HID1: variants seen among roughly 807,000 people sequenced by gnomAD.
HID1 encodes the protein HID1 domain containing, also known as protein HID1.
Under a neutral mutation model 89.7 loss-of-function variants are expected in HID1, and 42 were observed. The observed-to-expected ratio is 0.47, with a 90% CI of 0.37 to 0.61. The LOEUF is 0.61. Ranked by LOEUF, HID1 falls within the 20% of genes least tolerant of loss-of-function variation. The pLI, the probability that HID1 is intolerant of heterozygous loss-of-function variation, is 0.00. For synonymous variants in HID1, 442 were observed against 433.8 expected, an observed-to-expected ratio of 1.02 and a Z score of -0.24; for missense variants, 854 against 1,039.3, an observed-to-expected ratio of 0.82 and a Z score of 2.45.
chr17:74,968,458 T>A (rs924439154), intron 1 of HID1, among the ~76,000 whole-genome samples: 1 of 150,286 alleles, frequency 6.7e-6, no homozygotes, highest in Non-Finnish European at 1.5e-5. Context: ...CCCAGCCCAC[T>A]CCCAGAGCAA....
rs77965257 is a variant in HID1 at position 74,968,969 on chromosome 17, A to T, written c.66+3622T>A. Among the ~76,000 whole-genome samples the T allele has an allele frequency of 0.01, 1,541 of 152,322 alleles. 47 individuals are homozygous for T. The East Asian group carries it at 0.13, about 13-fold the overall frequency. On this transcript the variant is annotated intron_variant, in intron 1 of 18. Coordinates refer to ENST00000425042, the MANE Select transcript of HID1 (RefSeq NM_030630.3). The stretch of plus-strand genomic sequence containing the variant: ...CTCAGCCTTGAACTTTAGGAACAGG[A>T]CTTTGCCTCCCTGTTTCCTCAGCTT...
At position 74,954,061 on chromosome 17, in the gene HID1, G is replaced by T. The variant is rs1055488972; in HGVS notation, c.1864+77C>A. On this transcript the variant is annotated intron_variant, in intron 14 of 18. Transcript: ENST00000425042. ...AAGCCATGCTCTTTGCCAGAGATGG[G>T]GGTGACACCCCGAGACCATGTCCCT... The T allele has an allele frequency of 3.0e-6, 4 of 1,352,834 alleles. No homozygotes were observed. In the East Asian group the frequency reaches 7.4e-5, roughly 25 times the overall value. The allele number at this position is 1,352,834 out of a possible 1,614,324, so 83.8% of individuals were successfully genotyped here.
rs971017455 is a variant in HID1 at position 74,962,189 on chromosome 17, C to T, written c.611+45G>A. On this transcript the variant is annotated intron_variant, in intron 5 of 18. Transcript: ENST00000425042. The surrounding 1 kb of genome is among the most constrained non-coding windows in gnomAD (Gnocchi z 4.3). ...TTCTGAGCTGTGCGGGGGCCCGGCC[C>T]GGGGTCCAGCTGCATTGAGGGCTCC... 14 of 1,505,610 alleles carry T rather than the reference C, an allele frequency of 9.3e-6. No individual in the cohort carries two copies. The highest frequency in any genetic ancestry group is 6.9e-5 in the African/African-American group (5 of 72,576). 93.3% of individuals were successfully genotyped at this position (1,505,610 alleles called of 1,614,324 possible).
chr17:74,953,417 C>G, intron 15 of HID1, 128 bp downstream of exon 15: 1 of 715,770 alleles, frequency 1.4e-6, no homozygotes, highest in Non-Finnish European at 2.4e-6. Flanking sequence ...CCCTAATGCC[C>G]TGGGCACTGG....
intron 18 of HID1, 132 bp downstream of exon 18, chr17:74,951,773 C>T: frequency 7.4e-7 from 1 of 1,359,572 alleles, no homozygotes; most frequent in South Asian, 1.4e-5. Flanking sequence ...CACCGTCAAC[C>T]AGGCAAGGCC....
At chr17:74,963,546 G>C (rs2039516724) in intron 3 of HID1, 194 bp downstream of exon 3, 6 of 610,002 alleles carry the variant, frequency 9.8e-6, no homozygotes, top group African/African-American at 1.9e-5. Context: ...TGTGGGCACA[G>C]AAACCCCCAT....
At chr17:74,955,747 C>T (rs750165586) in intron 13 of HID1, 45 bp downstream of exon 13, 6 of 1,590,406 alleles carry the variant, frequency 3.8e-6, no homozygotes, top group Non-Finnish European at 5.2e-6. Flanking sequence ...AGGAAGTAGG[C>T]CCGCTGGCCA....
chr17:74,952,164 T>C, intron 17 of HID1, 101 bp from the exon 18 acceptor site: 3 of 1,522,536 alleles, frequency 2.0e-6, no homozygotes, highest in Non-Finnish European at 2.7e-6. Flanking sequence ...CACGCCTACC[T>C]AAGCCTAGGC....
At chr17:74,953,200 AGCCCAGCAGCCTTTGCCCCAGGCCCTAG>A (rs1169768720) in intron 15 of HID1, 114 bp from the exon 16 acceptor site, 1 of 926,784 alleles carries the variant, frequency 1.1e-6, no homozygotes, top group Non-Finnish European at 1.6e-6. Flanking sequence ...GGGAAGGCCC[AGCCCAGCAGCCTTTGCCCCAGGCCCTAG>A]GCCCAGCCCA....
In HID1 at chr17:74,972,559, T is replaced by C. The variant is rs533898110; in HGVS notation, c.66+32A>G. On this transcript the variant is annotated intron_variant, in intron 1 of 18. Coordinates refer to ENST00000425042, the MANE Select transcript of HID1 (RefSeq NM_030630.3). This position sits in a 1 kb window ranked among gnomAD's most constrained non-coding sequence, Gnocchi z 6.4. ...CCTGCCCAGCCCCCAGCCCGGCAGG[T>C]GGATGGGGACGCCGGGGCCCCCGTG... The C allele has an allele frequency of 3.6e-5, 55 of 1,529,286 alleles. No individual in the cohort carries two copies. The African/African-American group carries it at 6.7e-4, about 19-fold the overall frequency. 94.7% of individuals were successfully genotyped at this position (1,529,286 alleles called of 1,614,324 possible).
chr17:74,964,675 A>G, intron 1 of HID1, 43 bp from the exon 2 acceptor site: 1 of 1,586,508 alleles, frequency 6.3e-7, no homozygotes, highest in African/African-American at 1.3e-5. Flanking sequence ...ACTCCTGGCC[A>G]GAGGGCCTAC....
At chr17:74,969,827 C>T (rs777020370) in intron 1 of HID1, among the ~76,000 whole-genome samples, 13 of 151,314 alleles carry the variant, frequency 8.6e-5, no homozygotes, top group Non-Finnish European at 1.6e-4. Flanking sequence ...TCTCAAACTC[C>T]TGGGCTCAAG....
chr17:74,961,336 C>T (rs1460516369), intron 6 of HID1, among the ~76,000 whole-genome samples: 1 of 152,040 alleles, frequency 6.6e-6, no homozygotes, highest in African/African-American at 2.4e-5. Flanking sequence ...GGCGCAATCT[C>T]GGCTCACTGC....
At chr17:74,969,476 G>T (rs796919149) in intron 1 of HID1, among the ~76,000 whole-genome samples, 1 of 150,004 alleles carries the variant, frequency 6.7e-6, no homozygotes, top group Non-Finnish European at 1.5e-5. Flanking sequence ...ATGAGCCACC[G>T]CACCTAGCCA....
intron 13 of HID1, among the ~76,000 whole-genome samples, chr17:74,955,362 A>T (rs1432764332): frequency 1.3e-5 from 2 of 152,022 alleles, no homozygotes; most frequent in Non-Finnish European, 2.9e-5. Flanking sequence ...TTAGCTAGGT[A>T]TGGTGGGGGG....
At position 74,951,151 on chromosome 17, in the gene HID1, C is replaced by G. The variant is rs906357966; in HGVS notation, c.*419G>C. On this transcript the variant is annotated 3_prime_UTR_variant, in exon 19 of 19. Transcript: ENST00000425042. ...TTGGGTTAGGAGGCTGGAAGCACCC[C>G]CTTACCCTGTCCAGGCACCTCAAGG... 5.5e-6 allele frequency: 1 copy of G among 182,708 alleles called. No homozygotes were observed. The highest frequency in any genetic ancestry group is 1.1e-5 in the Non-Finnish European group (1 of 88,346). 11.3% of individuals were successfully genotyped at this position (182,708 alleles called of 1,614,324 possible). A position where few individuals can be genotyped will look rare whatever the true frequency, so the allele number is the denominator to read the frequency against.
chr17:74,956,888 C>T (rs988149567), intron 12 of HID1, among the ~76,000 whole-genome samples: 1 of 152,216 alleles, frequency 6.6e-6, no homozygotes, highest in African/African-American at 2.4e-5. Context: ...ACAGGGAGGA[C>T]AAAGGCAGAA....
chr17:74,963,664 C>G (rs1225112485), intron 3 of HID1, 76 bp downstream of exon 3: 1 of 1,393,536 alleles, frequency 7.2e-7, no homozygotes, highest in Non-Finnish European at 9.7e-7. Flanking sequence ...CTTGGAGGAG[C>G]ATGGCCGGCC....
chr17:74,958,822 A>T lies in HID1; in HGVS notation c.1150-59T>A. On this transcript the variant is annotated intron_variant, in intron 9 of 18. Transcript: ENST00000425042. This position sits in a 1 kb window ranked among gnomAD's most constrained non-coding sequence, Gnocchi z 5.2. Reference sequence around the variant, plus strand: ...TTCAAGGGAGGGGCAGCTCTGCCCCACCCCCCTCAGTCTGACACTGTCCCT... The same window carrying T: ...TTCAAGGGAGGGGCAGCTCTGCCCCTCCCCCCTCAGTCTGACACTGTCCCT... The T allele has an allele frequency of 6.3e-7, 1 of 1,587,706 alleles. No individual in the cohort carries two copies. Among genetic ancestry groups the T allele is most frequent in the Non-Finnish European group, 8.6e-7 (1 of 1,162,534 alleles).
Sources: allele counts gnomAD v4.1 joint callset (sites outside exome capture counted in the v4.1 genomes callset), GRCh38; gene constraint gnomAD v4.1.1; non-coding constraint Gnocchi (gnomAD v3.1); transcripts MANE v1.5; gene names NCBI Gene and HGNC (gene_info 2026-07-23, HGNC 2026-07-21).